Variants in GPC5 observed in about 807,000 individuals in gnomAD.
The protein encoded by GPC5 is glypican 5.
A neutral mutation model predicts 53.9 loss-of-function variants in GPC5; 47 were observed. The ratio of observed to expected loss-of-function variants is 0.87; its 90% CI spans 0.69 to 1.11. The LOEUF is 1.11. Among genes scored for constraint, GPC5 ranks in the 50% most tolerant of loss-of-function variants. The pLI, the probability that GPC5 is intolerant of heterozygous loss-of-function variation, is 0.00. For missense variants in GPC5, 748 were observed against 713.1 expected, an observed-to-expected ratio of 1.05 and a Z score of -0.56; for synonymous variants, 286 against 263.3, an observed-to-expected ratio of 1.09 and a Z score of -0.84.
At chr13:91,567,347 C>A (rs1176198395) in intron 2 of GPC5, among the ~76,000 whole-genome samples, 2 of 152,034 alleles carry the variant, frequency 1.3e-5, no homozygotes, top group African/African-American at 4.8e-5. Context: ...TTTAGATGTT[C>A]TCTACACTTA....
intron 7 of GPC5, among the ~76,000 whole-genome samples, chr13:92,347,924 T>TA (rs1491168569): frequency 0.041 from 150 of 3,682 alleles, 13 homozygotes; most frequent in African/African-American, 0.11. Flanking sequence ...TATATATATA[T>TA]TATATATACA....
chr13:91,584,067 T>C (rs1284775899), intron 2 of GPC5, among the ~76,000 whole-genome samples: 4 of 151,932 alleles, frequency 2.6e-5, no homozygotes, highest in African/African-American at 9.7e-5. Context: ...GAAGTGGAAA[T>C]TGGGACACAT....
intron 6 of GPC5, among the ~76,000 whole-genome samples, chr13:92,073,525 A>G (rs2041229463): frequency 6.6e-6 from 1 of 152,220 alleles, no homozygotes; most frequent in Non-Finnish European, 1.5e-5. Context: ...TCTTTGGTCT[A>G]GTTCTTCGCA....
intron 7 of GPC5, among the ~76,000 whole-genome samples, chr13:92,460,266 T>C (rs1878426382): frequency 6.6e-6 from 1 of 152,188 alleles, no homozygotes; most frequent in South Asian, 2.1e-4. Flanking sequence ...TGTTAAAAAC[T>C]AATATGTGTT....
At chr13:92,400,137 G>A (rs1875490534) in intron 7 of GPC5, among the ~76,000 whole-genome samples, 1 of 152,148 alleles carries the variant, frequency 6.6e-6, no homozygotes, top group Non-Finnish European at 1.5e-5. Context: ...TGGTGTGGAA[G>A]CAATCTTCTT....
chr13:92,085,651 A>G (rs2041329774), intron 6 of GPC5, among the ~76,000 whole-genome samples: 2 of 152,204 alleles, frequency 1.3e-5, no homozygotes, highest in South Asian at 4.1e-4. Flanking sequence ...ACAGCTGATC[A>G]TAATGTAGAA....
intron 6 of GPC5, among the ~76,000 whole-genome samples, chr13:91,963,275 T>C (rs576504334): frequency 1.3e-5 from 2 of 152,306 alleles, no homozygotes; most frequent in South Asian, 4.1e-4. Context: ...AGAAACTATA[T>C]GGAAAGCAAG....
At chr13:92,566,362 A>G (rs1386072154) in intron 7 of GPC5, among the ~76,000 whole-genome samples, 1 of 152,152 alleles carries the variant, frequency 6.6e-6, no homozygotes, top group Non-Finnish European at 1.5e-5. Flanking sequence ...ATTGTTTCCA[A>G]TATTTCAAAT....
intron 5 of GPC5, among the ~76,000 whole-genome samples, chr13:91,805,019 A>G (rs1566273500): frequency 6.6e-6 from 1 of 152,160 alleles, no homozygotes; most frequent in Non-Finnish European, 1.5e-5. Flanking sequence ...GCTGCAGGAA[A>G]ATTTTGCTTC....
intron 6 of GPC5, among the ~76,000 whole-genome samples, chr13:91,954,604 T>G (rs1191123128): frequency 6.6e-6 from 1 of 152,082 alleles, no homozygotes; most frequent in Non-Finnish European, 1.5e-5. Context: ...ATGATAAGTT[T>G]CTAAAAAGAA....
chr13:92,043,235 A>T (rs1319574302), intron 6 of GPC5, among the ~76,000 whole-genome samples: 1 of 152,270 alleles, frequency 6.6e-6, no homozygotes, highest in African/African-American at 2.4e-5. Flanking sequence ...AAAGGAGCAC[A>T]TATGACAGTC....
chr13:92,669,134 A>G (rs995525068), intron 7 of GPC5, among the ~76,000 whole-genome samples: 7 of 152,136 alleles, frequency 4.6e-5, no homozygotes, highest in Non-Finnish European at 1.0e-4. Flanking sequence ...ATCACACCAA[A>G]GACTTCTTAT....
chr13:91,675,669 G>GT (rs1275954282), intron 2 of GPC5, among the ~76,000 whole-genome samples: 3 of 152,212 alleles, frequency 2.0e-5, no homozygotes, highest in Non-Finnish European at 4.4e-5. Context: ...GACTTCCTGT[G>GT]TAGGATGGGG....
chr13:91,808,520 C>G lies in GPC5; in HGVS notation c.1280+52100C>G, dbSNP rs150673511. Among the ~76,000 whole-genome samples the G allele has an allele frequency of 1.3e-4, 20 of 152,232 alleles. No homozygotes were observed. The East Asian group carries it at 3.3e-3, about 25-fold the overall frequency. On this transcript the variant is annotated intron_variant, in intron 5 of 7. Coordinates refer to ENST00000377067, the MANE Select transcript of GPC5 (RefSeq NM_004466.6). ...GAAATCTCCTGGCCTCTTGACAGCT[C>G]TTTACTATCTGGGTTGTTATACATA...
chr13:92,674,937 A>G (rs1886886140), intron 7 of GPC5, among the ~76,000 whole-genome samples: 1 of 152,174 alleles, frequency 6.6e-6, no homozygotes, highest in Admixed American at 6.6e-5. Flanking sequence ...ATTTTTAGCT[A>G]TTTGTTTAGA....
intron 7 of GPC5, among the ~76,000 whole-genome samples, chr13:92,668,348 C>T (rs1886640470): frequency 6.6e-6 from 1 of 152,100 alleles, no homozygotes; most frequent in African/African-American, 2.4e-5. Flanking sequence ...TAAAAGATTT[C>T]ATTATCACAA....
Position 91,851,563 on chromosome 13 carries a change from A to G in GPC5, c.1281-56374A>G, listed in dbSNP as rs556620590. Among the ~76,000 whole-genome samples, 608 of 151,014 alleles carry G rather than the reference A, an allele frequency of 4.0e-3. 9 individuals carry two copies. Among genetic ancestry groups the G allele is most frequent in the African/African-American group, 0.014 (580 of 41,076 alleles). Reference sequence around the variant, plus strand: ...TGTGCACATTGTGCAGGTTAGTTACATATGTATACATGTGCCATGCTGGTG... The same window carrying G: ...TGTGCACATTGTGCAGGTTAGTTACGTATGTATACATGTGCCATGCTGGTG... On this transcript the variant is annotated intron_variant, in intron 5 of 7. Transcript: ENST00000377067.
At chr13:92,591,208 T>A (rs1288520748) in intron 7 of GPC5, among the ~76,000 whole-genome samples, 1 of 152,156 alleles carries the variant, frequency 6.6e-6, no homozygotes, top group Admixed American at 6.6e-5. Context: ...AGTCTCTGAT[T>A]TGGAAAAATG....
intron 6 of GPC5, among the ~76,000 whole-genome samples, chr13:91,926,218 A>AG (rs1295411584): frequency 6.6e-6 from 1 of 151,844 alleles, no homozygotes; most frequent in African/African-American, 2.4e-5. Context: ...AAAATTAGCC[A>AG]GGCATGGTGG....
Sources: allele counts gnomAD v4.1 joint callset (sites outside exome capture counted in the v4.1 genomes callset), GRCh38; gene constraint gnomAD v4.1.1; transcripts MANE v1.5; gene names NCBI Gene and HGNC (gene_info 2026-07-23, HGNC 2026-07-21).